Variants in CAPRIN1 observed in about 807,000 individuals in gnomAD.
CAPRIN1 encodes caprin-1.
CAPRIN1 carries 29 observed loss-of-function variants against 100.9 expected under a neutral mutation model. The observed-to-expected ratio is 0.29, with a 90% CI of 0.21 to 0.39. The LOEUF (loss-of-function observed/expected upper bound fraction) is 0.39, where lower values mean the gene tolerates loss of function less well. CAPRIN1 is among the 10% of genes least tolerant of loss of function. The probability of loss-of-function intolerance (pLI) is 1.00; values close to 1 mark genes in which losing one functional copy is unlikely to be tolerated. For synonymous variants in CAPRIN1, 338 were observed against 307.5 expected, an observed-to-expected ratio of 1.10 and a Z score of -1.04; for missense variants, 795 against 876.7, an observed-to-expected ratio of 0.91 and a Z score of 1.18.
Position 34,076,228 on chromosome 11 carries a change from T to C in CAPRIN1, c.367-8T>C. 6.2e-7 allele frequency: 1 copy of C among 1,603,082 alleles called. No homozygotes were observed. Among genetic ancestry groups the C allele is most frequent in the Non-Finnish European group, 8.5e-7 (1 of 1,171,486 alleles). On this transcript the variant is annotated splice_polypyrimidine_tract_variant and splice_region_variant and intron_variant, in intron 4 of 18. Transcript: ENST00000341394. ...ATTTTGGTGTTTTACTTTTATATTGTTTTGCAGATTCAGAAAACAATAAAG... is the reference window on the plus strand; with the variant it reads ...ATTTTGGTGTTTTACTTTTATATTGCTTTGCAGATTCAGAAAACAATAAAG...
chr11:34,063,580 A>G (rs6484694), intron 2 of CAPRIN1, among the ~76,000 whole-genome samples: 133,770 of 152,216 alleles, frequency 0.88, 59,022 homozygotes, highest in East Asian at 1. Flanking sequence ...TCTGACATCT[A>G]CTGGGTGTGG....
chr11:34,052,851 G>A (rs1410080121), intron 2 of CAPRIN1: 7 of 1,433,712 alleles, frequency 4.9e-6, no homozygotes, highest in Non-Finnish European at 6.4e-6. Context: ...ACCTGACTCG[G>A]ACGCGGCACT....
chr11:34,079,609 T>C lies in CAPRIN1; in HGVS notation c.689-19T>C. The C allele has an allele frequency of 6.2e-7, 1 of 1,608,620 alleles. No homozygotes were observed. The highest frequency in any genetic ancestry group is 8.5e-7 in the Non-Finnish European group (1 of 1,175,430). ...TCCTCAGATAAGTCTTACATTATAA[T>C]TCATGTTCTTTTTCTTAGATAAAGT... On this transcript the variant is annotated intron_variant, in intron 6 of 18. Transcript: ENST00000341394.
At position 34,096,568 on chromosome 11, in the gene CAPRIN1, C is replaced by T. The variant is rs979859411; in HGVS notation, c.1795C>T (p.Arg599Cys). ...QPPQQNTGFP[R>C]SNQPYYNSRG... ...TCCTCAGCAGAACACTGGATTTCCACGTAGCAATCAGCCCTATTACAATAG... is the reference window on the plus strand; with the variant it reads ...TCCTCAGCAGAACACTGGATTTCCATGTAGCAATCAGCCCTATTACAATAG... The change falls in exon 16 of 19, where the codon CGT (arginine) becomes TGT (cysteine). Residue 599 changes from arginine (R) to cysteine (C), a missense_variant. By Grantham distance (180) the Arg-to-Cys change is radical. Around this residue, in one of 3 missense-constraint regions of CAPRIN1, gnomAD observed 648 missense variants for 697.9 expected, o/e 0.93. Transcript: ENST00000341394. The T allele has an allele frequency of 1.9e-6, 3 of 1,614,096 alleles. No individual in the cohort carries two copies. Among genetic ancestry groups the T allele is most frequent in the Non-Finnish European group, 2.5e-6 (3 of 1,179,986 alleles).
intron 7 of CAPRIN1, 140 bp downstream of exon 7, chr11:34,079,905 G>GCTTTTTTTTTTT (rs1850980473): frequency 3.2e-6 from 1 of 316,642 alleles, no homozygotes; most frequent in African/African-American, 2.9e-5. Flanking sequence ...GCATGACAAA[G>GCTTTTTTTTTTT]TTTTTTTTTT....
intron 18 of CAPRIN1, chr11:34,098,296 G>T: frequency 1.0e-6 from 1 of 984,506 alleles, no homozygotes; most frequent in Non-Finnish European, 1.2e-6. Context: ...TAAATATCAA[G>T]TTATTTCTGA....
intron 12 of CAPRIN1, 142 bp downstream of exon 12, chr11:34,089,598 C>G (rs573931912): frequency 2.5e-6 from 1 of 396,550 alleles, no homozygotes; most frequent in Non-Finnish European, 4.6e-6. Flanking sequence ...GAGACACCAT[C>G]TCTATTTTAA....
intron 2 of CAPRIN1, among the ~76,000 whole-genome samples, chr11:34,062,353 C>T (rs907717680): frequency 5.8e-4 from 88 of 152,052 alleles, no homozygotes; most frequent in African/African-American, 2.0e-3. Flanking sequence ...GGACCGGGCG[C>T]GGTGGCTCAC....
At chr11:34,079,478 C>A in intron 6 of CAPRIN1, 150 bp from the exon 7 acceptor site, 1 of 592,724 alleles carries the variant, frequency 1.7e-6, no homozygotes, top group Non-Finnish European at 3.0e-6. Flanking sequence ...TAATACATTT[C>A]TGTTCTTGGT....
Position 34,090,040 on chromosome 11 carries a change from G to A in CAPRIN1, c.1294-139G>A. 8.1e-6 allele frequency: 4 copies of A among 495,258 alleles called. No individual in the cohort carries two copies. The South Asian group carries it at 1.0e-4, about 12-fold the overall frequency. 30.7% of individuals were successfully genotyped at this position (495,258 alleles called of 1,614,324 possible). ...AGGTTTTATATTATACAAATTTAAAGAGAGATGGTAATATTAATTTCTCCC... is the reference window on the plus strand; with the variant it reads ...AGGTTTTATATTATACAAATTTAAAAAGAGATGGTAATATTAATTTCTCCC... On this transcript the variant is annotated intron_variant, in intron 12 of 18. Coordinates refer to ENST00000341394, the MANE Select transcript of CAPRIN1 (RefSeq NM_005898.5).
chr11:34,098,016 CCAA>C, intron 18 of CAPRIN1: 1 of 1,161,306 alleles, frequency 8.6e-7, no homozygotes. Context: ...AAGTGTTTTT[CCAA>C]CTGAAAATTA....
Position 34,072,722 on chromosome 11 carries a change from A to G in CAPRIN1, c.366+735A>G, listed in dbSNP as rs561150902. On this transcript the variant is annotated intron_variant, in intron 4 of 18. Transcript: ENST00000341394. Reference sequence around the variant, plus strand: ...GTCAGATAATTTGTTGAGGCCAGAAAATTAAGCCATCTGAATAAGTGTCAT... The same window carrying G: ...GTCAGATAATTTGTTGAGGCCAGAAGATTAAGCCATCTGAATAAGTGTCAT... 3.3e-5 allele frequency among the ~76,000 whole-genome samples: 5 copies of G among 152,330 alleles called. No homozygotes were observed. The East Asian group carries it at 9.6e-4, about 29-fold the overall frequency.
intron 18 of CAPRIN1, chr11:34,098,979 C>T (rs552625826): frequency 8.6e-6 from 10 of 1,168,970 alleles, no homozygotes; most frequent in Admixed American, 4.1e-5. Context: ...TGTCTGTCTT[C>T]TCTGCTGTAT....
intron 2 of CAPRIN1, among the ~76,000 whole-genome samples, chr11:34,056,256 A>C: frequency 6.6e-6 from 1 of 152,214 alleles, no homozygotes; most frequent in South Asian, 2.1e-4. Flanking sequence ...TTTTAAAATC[A>C]AATATCCTGG....
At chr11:34,098,715 C>G (rs1851407570) in intron 18 of CAPRIN1, 1 of 984,830 alleles carries the variant, frequency 1.0e-6, no homozygotes, top group Non-Finnish European at 1.2e-6. Flanking sequence ...TCTTTCCCAC[C>G]TTGTAGCATA....
chr11:34,062,485 C>T (rs1332283206), intron 2 of CAPRIN1, among the ~76,000 whole-genome samples: 3 of 151,966 alleles, frequency 2.0e-5, no homozygotes, highest in East Asian at 1.9e-4. Context: ...ATTAGCCGGG[C>T]GTGGTGGTGG....
chr11:34,053,298 C>A, intron 2 of CAPRIN1: 4 of 276,934 alleles, frequency 1.4e-5, no homozygotes, highest in Non-Finnish European at 2.2e-5. Flanking sequence ...GTTTAGGTGT[C>A]CCCCCGAGCC....
chr11:34,067,039 C>A (rs556239524), intron 2 of CAPRIN1, among the ~76,000 whole-genome samples: 1 of 151,496 alleles, frequency 6.6e-6, no homozygotes, highest in African/African-American at 2.4e-5. Flanking sequence ...AAGTGATTCT[C>A]GTGCCTCAGC....
At chr11:34,099,015 C>G (rs1244107902) in intron 18 of CAPRIN1, 3 of 1,278,522 alleles carry the variant, frequency 2.3e-6, no homozygotes, top group Admixed American at 3.5e-5. Context: ...GATGATGGTG[C>G]CTGGCACATA....
Sources: gnomAD v4.1 joint callset for allele counts (sites outside exome capture counted in the v4.1 genomes callset) on GRCh38, gnomAD v4.1.1 for gene constraint, gnomAD v4.1.1 regional missense constraint, MANE v1.5 for transcripts, NCBI Gene and HGNC (gene_info 2026-07-23, HGNC 2026-07-21) for gene names.